SPAG16: variants seen among roughly 807,000 people sequenced by gnomAD.
SPAG16 encodes the protein sperm-associated antigen 16 protein.
A neutral mutation model predicts 80.4 loss-of-function variants in SPAG16; 86 were observed. The observed-to-expected ratio is 1.07, with a 90% confidence interval of 0.90 to 1.28. SPAG16 has a LOEUF of 1.28. Among genes scored for constraint, SPAG16 ranks in the 50% most tolerant of loss-of-function variants. SPAG16 has a pLI of 0.00. For synonymous variants in SPAG16, 294 were observed against 265.9 expected (o/e 1.11, Z -1.03); for missense variants, 870 against 765.3 (o/e 1.14, Z -1.61).
chr2:214,097,923 T>G (rs1220950436), intron 13 of SPAG16, among the ~76,000 whole-genome samples: 1 of 152,052 alleles, frequency 6.6e-6, no homozygotes, highest in Non-Finnish European at 1.5e-5. Flanking sequence ...CACTATCATG[T>G]AGATACTATA....
chr2:214,157,942 CTT>C (rs138971420), intron 15 of SPAG16, among the ~76,000 whole-genome samples: 3,442 of 152,096 alleles, frequency 0.023, 166 homozygotes, highest in African/African-American at 0.079. Flanking sequence ...ACCCACAAAT[CTT>C]TTCTCTGAGT....
intron 10 of SPAG16, among the ~76,000 whole-genome samples, chr2:213,561,831 C>G: frequency 6.6e-6 from 1 of 152,102 alleles, no homozygotes; most frequent in East Asian, 1.9e-4. Context: ...CACATTATGT[C>G]TTGAATGTTC....
chr2:213,976,131 T>TACAC (rs1283509291), intron 12 of SPAG16, among the ~76,000 whole-genome samples: 60 of 104,978 alleles, frequency 5.7e-4, no homozygotes, highest in African/African-American at 2.3e-3. Flanking sequence ...TATATATATA[T>TACAC]ATATACACAC....
At chr2:213,580,534 TG>T in intron 10 of SPAG16, among the ~76,000 whole-genome samples, 1 of 152,266 alleles carries the variant, frequency 6.6e-6, no homozygotes, top group East Asian at 1.9e-4. Flanking sequence ...TGTTTGCAGC[TG>T]GTGTTGGTAG....
At chr2:213,720,066 C>T (rs372744892) in intron 10 of SPAG16, among the ~76,000 whole-genome samples, 8 of 152,094 alleles carry the variant, frequency 5.3e-5, no homozygotes, top group African/African-American at 1.9e-4. Flanking sequence ...AACAATCATT[C>T]TCAGTAAACT....
chr2:213,447,388 AG>A (rs1429488493), intron 9 of SPAG16, among the ~76,000 whole-genome samples: 1 of 152,196 alleles, frequency 6.6e-6, no homozygotes, highest in Non-Finnish European at 1.5e-5. Context: ...AAGTATGGGA[AG>A]GGGAAACTTT....
intron 11 of SPAG16, among the ~76,000 whole-genome samples, chr2:213,884,010 G>C (rs1047994948): frequency 1.3e-5 from 2 of 151,982 alleles, no homozygotes; most frequent in African/African-American, 4.8e-5. Context: ...TTTACATTCG[G>C]GATTAGTATG....
intron 12 of SPAG16, among the ~76,000 whole-genome samples, chr2:214,008,720 G>A (rs896194024): frequency 2.0e-5 from 3 of 150,846 alleles, no homozygotes; most frequent in South Asian, 2.1e-4. Flanking sequence ...ACTCCAGCCT[G>A]GGCAACAGAG....
At chr2:213,532,629 T>A (rs2076110699) in intron 10 of SPAG16, among the ~76,000 whole-genome samples, 1 of 151,892 alleles carries the variant, frequency 6.6e-6, no homozygotes, top group Admixed American at 6.6e-5. Flanking sequence ...GTCCAGCTAA[T>A]TTTTTTTATT....
chr2:214,362,670 G>A (rs1289238242), intron 15 of SPAG16, among the ~76,000 whole-genome samples: 1 of 151,712 alleles, frequency 6.6e-6, no homozygotes, highest in African/African-American at 2.4e-5. Flanking sequence ...TGAGACAGCT[G>A]CAAAAATACC....
intron 15 of SPAG16, among the ~76,000 whole-genome samples, chr2:214,326,672 G>A (rs146162656): frequency 1.3e-4 from 20 of 152,072 alleles, no homozygotes; most frequent in African/African-American, 2.9e-4. Flanking sequence ...CCGGCCGGGC[G>A]CGGTGGCTCA....
chr2:214,041,076 A>G (rs1050096115), intron 13 of SPAG16, among the ~76,000 whole-genome samples: 1 of 150,944 alleles, frequency 6.6e-6, no homozygotes, highest in Non-Finnish European at 1.5e-5. Context: ...TATTTTTTAA[A>G]TGAACATTGT....
At position 213,417,743 on chromosome 2, in the gene SPAG16, C is replaced by A. The variant is rs142513377; in HGVS notation, c.942+42624C>A. ...AATTATGCATAATTTAGAAACTTAC[C>A]TTTTTACTTATCTATAAAAATATAT... On this transcript the variant is annotated intron_variant, in intron 9 of 15. Coordinates refer to ENST00000331683, the MANE Select transcript of SPAG16 (RefSeq NM_024532.5). Among the ~76,000 whole-genome samples the A allele has an allele frequency of 4.5e-3, 680 of 152,156 alleles. 5 individuals are homozygous for A. The highest frequency in any genetic ancestry group is 0.015 in the African/African-American group (627 of 41,526).
rs372090144 is a variant in SPAG16, at chr2:213,543,765, CAT to C, written c.1070+53677_1070+53678del. ...TTGGTCTTTTTAAAATCAAAATTGACATAAACTCTTCATGCACTTTTATTCTA... is the reference window on the plus strand; with the variant it reads ...TTGGTCTTTTTAAAATCAAAATTGACAAACTCTTCATGCACTTTTATTCTA... On this transcript the variant is annotated intron_variant, in intron 10 of 15. Coordinates refer to ENST00000331683, the MANE Select transcript of SPAG16 (RefSeq NM_024532.5). 1.6e-4 allele frequency among the ~76,000 whole-genome samples: 25 copies of C among 152,084 alleles called. No individual in the cohort carries two copies. In the East Asian group the frequency reaches 4.2e-3, roughly 26 times the overall value.
intron 9 of SPAG16, chr2:213,396,638 G>C: frequency 2.2e-6 from 1 of 456,444 alleles, no homozygotes; most frequent in Non-Finnish European, 4.4e-6. Flanking sequence ...TACCTCTGCA[G>C]GACACTATTG....
At chr2:213,821,216 C>T (rs1051311410) in intron 10 of SPAG16, among the ~76,000 whole-genome samples, 4 of 151,894 alleles carry the variant, frequency 2.6e-5, no homozygotes, top group African/African-American at 7.3e-5. Context: ...CTAACTTGTC[C>T]TTATAAAGTG....
intron 7 of SPAG16, among the ~76,000 whole-genome samples, chr2:213,362,247 C>G (rs1447276304): frequency 3.3e-5 from 5 of 152,044 alleles, no homozygotes; most frequent in Non-Finnish European, 7.4e-5. Context: ...GATTATAACC[C>G]AAAATATAAA....
intron 15 of SPAG16, among the ~76,000 whole-genome samples, chr2:214,380,575 A>G (rs181433763): frequency 1.3e-5 from 2 of 152,364 alleles, no homozygotes; most frequent in East Asian, 1.9e-4. Flanking sequence ...GGAATAATTT[A>G]CTGGCATGTA....
chr2:213,774,995 G>A (rs1334706408), intron 10 of SPAG16, among the ~76,000 whole-genome samples: 4 of 152,032 alleles, frequency 2.6e-5, no homozygotes, highest in Non-Finnish European at 5.9e-5. Flanking sequence ...GATCTGTCTC[G>A]GCACTACTGT....
Sources: gnomAD v4.1 joint callset for allele counts (sites outside exome capture counted in the v4.1 genomes callset) on GRCh38, gnomAD v4.1.1 for gene constraint, MANE v1.5 for transcripts, NCBI Gene and HGNC (gene_info 2026-07-23, HGNC 2026-07-21) for gene names.